AMPH: variants seen among roughly 807,000 people sequenced by gnomAD.
AMPH encodes amphiphysin (Stiff-Mann syndrome with breast cancer 128kD autoantigen).
A neutral mutation model predicts 99.1 loss-of-function variants in AMPH; 49 were observed. That is an observed-to-expected ratio of 0.49 (90% CI 0.39 to 0.63). AMPH has a LOEUF of 0.63. Ranked by LOEUF, AMPH falls within the 20% of genes least tolerant of loss-of-function variation. The pLI, the probability that AMPH is intolerant of heterozygous loss-of-function variation, is 0.00. For synonymous variants in AMPH, 314 were observed against 317.3 expected, an observed-to-expected ratio of 0.99 and a Z score of 0.11; for missense variants, 759 against 863.4, an observed-to-expected ratio of 0.88 and a Z score of 1.52.
At chr7:38,419,682 G>A (rs556567656) in intron 16 of AMPH, among the ~76,000 whole-genome samples, 252 of 152,218 alleles carry the variant, frequency 1.7e-3, no homozygotes, top group Middle Eastern at 3.4e-3. Flanking sequence ...ATGACAGCCT[G>A]GTATCAAATG....
At chr7:38,486,361 A>C (rs372812879) in intron 5 of AMPH, among the ~76,000 whole-genome samples, 2 of 152,040 alleles carry the variant, frequency 1.3e-5, no homozygotes, top group Non-Finnish European at 2.9e-5. Flanking sequence ...TACTAGATAC[A>C]TACAACCTAG....
intron 2 of AMPH, among the ~76,000 whole-genome samples, chr7:38,507,595 A>G (rs967499209): frequency 1.3e-5 from 2 of 152,248 alleles, no homozygotes; most frequent in Non-Finnish European, 2.9e-5. Context: ...AATTCTTATA[A>G]CATTGCTCAG....
At chr7:38,595,514 AG>A (rs1793019812) in intron 1 of AMPH, among the ~76,000 whole-genome samples, 1 of 152,216 alleles carries the variant, frequency 6.6e-6, no homozygotes, top group South Asian at 2.1e-4. Context: ...ATCCTCCCAA[AG>A]GAGTTTTAGG....
intron 14 of AMPH, chr7:38,428,088 A>C (rs1378734265): frequency 4.4e-6 from 2 of 456,578 alleles, no homozygotes; most frequent in Non-Finnish European, 8.8e-6. Flanking sequence ...CTTGTGCTCA[A>C]CTACATCTGA....
intron 1 of AMPH, among the ~76,000 whole-genome samples, chr7:38,581,407 A>C (rs755280636): frequency 6.6e-6 from 1 of 152,194 alleles, no homozygotes; most frequent in Non-Finnish European, 1.5e-5. Context: ...TGTAAGTGCA[A>C]AAGCCCAGAG....
chr7:38,558,564 A>G (rs148404136), intron 1 of AMPH, among the ~76,000 whole-genome samples: 56 of 152,358 alleles, frequency 3.7e-4, no homozygotes, highest in Middle Eastern at 6.8e-3. Context: ...ATGGTGGGAA[A>G]GACAGGAATA....
intron 5 of AMPH, among the ~76,000 whole-genome samples, chr7:38,483,548 C>T (rs1788374232): frequency 6.6e-6 from 1 of 152,114 alleles, no homozygotes; most frequent in South Asian, 2.1e-4. Context: ...TCTCAGAGCA[C>T]TGAAATGACC....
At chr7:38,558,280 C>T (rs1562826310) in intron 1 of AMPH, among the ~76,000 whole-genome samples, 1 of 152,162 alleles carries the variant, frequency 6.6e-6, no homozygotes, top group African/African-American at 2.4e-5. Flanking sequence ...GGGCAATGCA[C>T]TGATGGTTTG....
At chr7:38,489,961 A>G (rs1220995859) in intron 5 of AMPH, among the ~76,000 whole-genome samples, 1 of 152,260 alleles carries the variant, frequency 6.6e-6, no homozygotes, top group East Asian at 1.9e-4. Flanking sequence ...TTACCGCAAT[A>G]AAGTACAAAA....
At position 38,391,800 on chromosome 7, in the gene AMPH, A is replaced by T; in HGVS notation, c.1826T>A (p.Leu609Gln). The T allele has an allele frequency of 6.2e-7, 1 of 1,614,028 alleles. No homozygotes were observed. The highest frequency in any genetic ancestry group is 1.1e-5 in the South Asian group (1 of 91,076). Reference protein sequence around the residue: ...SAPAMGAADQLASAREASQEL... With the variant: ...SAPAMGAADQQASAREASQEL... ...CTGAGAGGCCTCCCTTGCAGATGCT[A>T]GCTGGTCAGCAGCCCCCATGGCTGG... is the stretch of plus-strand genomic sequence containing the variant. The change falls in exon 19 of 21, where the codon CTA becomes CAA. Residue 609 changes from leucine to glutamine, a missense_variant. By Grantham distance (113) the Leu-to-Gln change is moderately radical (BLOSUM62 -2). Coordinates refer to ENST00000356264, the MANE Select transcript of AMPH (RefSeq NM_001635.4).
At chr7:38,466,706 T>G (rs1787669660) in intron 7 of AMPH, among the ~76,000 whole-genome samples, 1 of 152,204 alleles carries the variant, frequency 6.6e-6, no homozygotes, top group East Asian at 1.9e-4. Context: ...AGAAGTTCAT[T>G]ATTAACTTTT....
chr7:38,439,119 C>T (rs1465331259), intron 11 of AMPH, among the ~76,000 whole-genome samples: 1 of 152,182 alleles, frequency 6.6e-6, no homozygotes, highest in Non-Finnish European at 1.5e-5. Flanking sequence ...TCTCCTGCCA[C>T]CATTTAAGAT....
chr7:38,512,730 T>A (rs1210600355), intron 2 of AMPH, among the ~76,000 whole-genome samples: 1 of 152,216 alleles, frequency 6.6e-6, no homozygotes, highest in Non-Finnish European at 1.5e-5. Flanking sequence ...GCAATTTGAC[T>A]GGGTCAATTT....
chr7:38,384,983 C>T, intron 20 of AMPH, 58 bp from the exon 21 acceptor site: 1 of 1,417,436 alleles, frequency 7.1e-7, no homozygotes, highest in Non-Finnish European at 1.0e-6. Context: ...ATCCACACTG[C>T]CACAATTAAT....
intron 12 of AMPH, 73 bp from the exon 13 acceptor site, chr7:38,432,285 G>T: frequency 1.5e-6 from 2 of 1,377,890 alleles, no homozygotes; most frequent in Non-Finnish European, 2.1e-6. Context: ...GGTGACAAAA[G>T]TTCTTGAAAT....
In AMPH at chr7:38,507,252, G is replaced by A. The variant is rs7796366; in HGVS notation, c.151-3548C>T. Among the ~76,000 whole-genome samples the A allele has an allele frequency of 6.9e-3, 1,041 of 151,882 alleles. 22 individuals carry two copies. Among genetic ancestry groups the A allele is most frequent in the African/African-American group, 0.024 (992 of 41,426 alleles). On this transcript the variant is annotated intron_variant, in intron 2 of 20. Coordinates refer to ENST00000356264, the MANE Select transcript of AMPH (RefSeq NM_001635.4). ...TAGAAGAGATTTTTTATATAAGAGT[G>A]GAACAAAGTTCAAAATTGTACAATA...
chr7:38,545,441 G>C (rs1790960689), intron 1 of AMPH, among the ~76,000 whole-genome samples: 2 of 152,050 alleles, frequency 1.3e-5, no homozygotes, highest in Admixed American at 1.3e-4. Flanking sequence ...CGGGGCTGTT[G>C]TGATTTGGTT....
At chr7:38,396,112 G>T (rs373517791) in intron 17 of AMPH, among the ~76,000 whole-genome samples, 2 of 152,258 alleles carry the variant, frequency 1.3e-5, no homozygotes, top group Admixed American at 6.5e-5. Context: ...GCAATCCCTA[G>T]CCATGACATA....
chr7:38,549,244 C>T (rs1042069514), intron 1 of AMPH, among the ~76,000 whole-genome samples: 1 of 152,182 alleles, frequency 6.6e-6, no homozygotes. Context: ...AAAGTTTACA[C>T]AACATAGCTT....
Sources: gnomAD v4.1 joint callset for allele counts (sites outside exome capture counted in the v4.1 genomes callset) on GRCh38, gnomAD v4.1.1 for gene constraint, MANE v1.5 for transcripts, NCBI Gene and HGNC (gene_info 2026-07-23, HGNC 2026-07-21) for gene names.